Variants in TBC1D2 observed in about 807,000 individuals in gnomAD.
TBC1D2 encodes TBC1 domain family member 2, also known as TBC1 domain family member 2A.
Under a neutral mutation model 91.1 loss-of-function variants are expected in TBC1D2, and 58 were observed. That is an observed-to-expected ratio of 0.64 (90% confidence interval 0.52 to 0.79). The LOEUF (loss-of-function observed/expected upper bound fraction) is 0.79. TBC1D2 is among the 30% of genes least tolerant of loss of function. TBC1D2 has a pLI of 0.00. For missense variants in TBC1D2, 1,080 were observed against 1,208.3 expected, an observed-to-expected ratio of 0.89 and a Z score of 1.57; for synonymous variants, 482 against 511.5, an observed-to-expected ratio of 0.94 and a Z score of 0.78.
intron 2 of TBC1D2, among the ~76,000 whole-genome samples, chr9:98,249,794 A>T (rs1347025721): frequency 6.6e-6 from 1 of 152,236 alleles, no homozygotes; most frequent in Non-Finnish European, 1.5e-5. Context: ...TAACAATATT[A>T]TTAGGACAAC....
intron 1 of TBC1D2, among the ~76,000 whole-genome samples, chr9:98,254,206 G>C (rs1284120300): frequency 2.0e-5 from 3 of 152,178 alleles, no homozygotes; most frequent in Non-Finnish European, 2.9e-5. Context: ...GCTATCTCCT[G>C]GCACATTCTT....
chr9:98,243,902 C>A (rs1829705496), intron 3 of TBC1D2, 92 bp downstream of exon 3: 7 of 1,490,488 alleles, frequency 4.7e-6, no homozygotes, highest in Non-Finnish European at 6.4e-6. Flanking sequence ...TCTCCCGGGG[C>A]CCATCTCCCT....
At chr9:98,229,212 T>G in intron 4 of TBC1D2, 64 bp from the exon 5 acceptor site, 1 of 1,521,312 alleles carries the variant, frequency 6.6e-7, no homozygotes, top group Non-Finnish European at 9.0e-7. Flanking sequence ...AACCTGAGCT[T>G]GCTTTAGAAG....
intron 8 of TBC1D2, 106 bp downstream of exon 8, chr9:98,210,550 A>G: frequency 9.4e-7 from 1 of 1,058,902 alleles, no homozygotes; most frequent in East Asian, 2.7e-5. Flanking sequence ...CAGAGGAGGT[A>G]GTGCTGTGTA....
chr9:98,250,889 G>A (rs1417530074), intron 2 of TBC1D2, among the ~76,000 whole-genome samples: 1 of 152,122 alleles, frequency 6.6e-6, no homozygotes, highest in African/African-American at 2.4e-5. Flanking sequence ...GTGGTCTCCT[G>A]GACTCTTCCA....
At chr9:98,224,892 A>G (rs1382106418) in intron 5 of TBC1D2, among the ~76,000 whole-genome samples, 4 of 152,022 alleles carry the variant, frequency 2.6e-5, no homozygotes, top group Admixed American at 1.3e-4. Flanking sequence ...CAGCTTTCTC[A>G]TGAATGGGGC....
At chr9:98,219,190 C>G (rs1829037906) in intron 6 of TBC1D2, among the ~76,000 whole-genome samples, 1 of 152,144 alleles carries the variant, frequency 6.6e-6, no homozygotes, top group Admixed American at 6.5e-5. Flanking sequence ...TCTAACAGCC[C>G]TAGTCAAGAG....
At chr9:98,242,724 A>G (rs1270584871) in intron 3 of TBC1D2, among the ~76,000 whole-genome samples, 1 of 151,814 alleles carries the variant, frequency 6.6e-6, no homozygotes, top group Non-Finnish European at 1.5e-5. Flanking sequence ...CAACTTGCCA[A>G]CAGCAGCACA....
intron 7 of TBC1D2, 61 bp from the exon 8 acceptor site, chr9:98,210,904 G>A (rs1472145367): frequency 1.4e-6 from 2 of 1,461,908 alleles, no homozygotes; most frequent in African/African-American, 2.8e-5. Context: ...CCAGAGGCCT[G>A]AGGCCTGAAC....
intron 6 of TBC1D2, among the ~76,000 whole-genome samples, chr9:98,214,537 G>C (rs150278555): frequency 1.2e-5 from 1 of 80,472 alleles, no homozygotes; most frequent in African/African-American, 5.3e-5. Context: ...GGATGACTCC[G>C]ACGTGGCCAG....
intron 2 of TBC1D2, among the ~76,000 whole-genome samples, chr9:98,246,648 G>A (rs1398612945): frequency 1.3e-5 from 2 of 152,170 alleles, no homozygotes; most frequent in Non-Finnish European, 2.9e-5. Context: ...GCAGTTCTGG[G>A]AGGTGGAGAC....
intron 5 of TBC1D2, 124 bp from the exon 6 acceptor site, chr9:98,221,352 ATC>A (rs1295879431): frequency 1.7e-6 from 2 of 1,203,646 alleles, no homozygotes; most frequent in South Asian, 3.3e-5. Flanking sequence ...TCCCTGCGGC[ATC>A]TCATCCTGAC....
chr9:98,230,609 T>C lies in TBC1D2; in HGVS notation c.782-1461A>G, dbSNP rs190697789. On this transcript the variant is annotated intron_variant, in intron 4 of 12. Coordinates refer to ENST00000465784, the MANE Select transcript of TBC1D2 (RefSeq NM_001267571.2). ...ACAAATAAAGAGTTACTCCAGTAGG[T>C]GACAGGAACCAGACACTGAGTGCAA... 1.4e-3 allele frequency among the ~76,000 whole-genome samples: 207 copies of C among 152,124 alleles called. 2 individuals carry two copies. Among genetic ancestry groups the C allele is most frequent in the Non-Finnish European group, 2.4e-3 (164 of 67,994 alleles).
At chr9:98,209,340 C>T (rs1828751659) in intron 8 of TBC1D2, among the ~76,000 whole-genome samples, 196 bp from the exon 9 acceptor site, 1 of 152,180 alleles carries the variant, frequency 6.6e-6, no homozygotes, top group African/African-American at 2.4e-5. Context: ...AATCCCTGCT[C>T]TGCCTCCTAA....
intron 9 of TBC1D2, among the ~76,000 whole-genome samples, chr9:98,206,685 G>C (rs1203853450): frequency 6.6e-6 from 1 of 152,174 alleles, no homozygotes; most frequent in African/African-American, 2.4e-5. Context: ...CGGGGGGCCA[G>C]GGTGAGCAGT....
intron 6 of TBC1D2, among the ~76,000 whole-genome samples, chr9:98,219,778 A>T (rs949933776): frequency 6.6e-6 from 1 of 152,180 alleles, no homozygotes; most frequent in South Asian, 2.1e-4. Flanking sequence ...CTTCATTGTA[A>T]TCTTATGGGA....
At chr9:98,238,121 C>A (rs1208058498) in intron 3 of TBC1D2, among the ~76,000 whole-genome samples, 1 of 135,816 alleles carries the variant, frequency 7.4e-6, no homozygotes, top group Non-Finnish European at 1.5e-5. Context: ...CTAGGCTGGT[C>A]TTGAACTCCT....
Position 98,221,174 on chromosome 9 carries a change from C to G in TBC1D2, c.1033G>C (p.Ala345Pro). 6.4e-7 allele frequency: 1 copy of G among 1,561,472 alleles called. No individual in the cohort carries two copies. The highest frequency in any genetic ancestry group is 8.7e-7 in the Non-Finnish European group (1 of 1,152,802). Residue 345 changes from alanine to proline, a missense_variant, in exon 6 of 13, where the codon GCG becomes CCG. Physicochemically the swap from Ala to Pro is conservative, Grantham distance 27. Transcript: ENST00000465784. ...GCCGCCGCCAGGTATGCGCTGGACGCCCGCTTCTCCTGCTGGGCGGCCTCC... is the reference window on the plus strand; with the variant it reads ...GCCGCCGCCAGGTATGCGCTGGACGGCCGCTTCTCCTGCTGGGCGGCCTCC... ...ALEAAQQEKRASSAYLAAAED... is the reference protein window; with the variant it reads ...ALEAAQQEKRPSSAYLAAAED...
rs557421173 is a variant in TBC1D2, at chr9:98,242,307, G to C, written c.647+1687C>G. 2.6e-5 allele frequency among the ~76,000 whole-genome samples: 4 copies of C among 152,086 alleles called. No homozygotes were observed. In the South Asian group the frequency reaches 8.3e-4, roughly 31 times the overall value. On this transcript the variant is annotated intron_variant, in intron 3 of 12. Transcript: ENST00000465784. ...ATACAAAAAGTCAGCCGGGCGTGGT[G>C]GTGGGTGCCTGTAATCCTAGCTGCT...
Sources: gnomAD v4.1 joint callset for allele counts (sites outside exome capture counted in the v4.1 genomes callset) on GRCh38, gnomAD v4.1.1 for gene constraint, MANE v1.5 for transcripts, NCBI Gene and HGNC (gene_info 2026-07-23, HGNC 2026-07-21) for gene names.